The following CDK5RAP2 variants were observed in gnomAD, a reference collection of about 807,000 sequenced individuals.
The protein encoded by CDK5RAP2 is CDK5 regulatory subunit associated protein 2, also known as CDK5 regulatory subunit-associated protein 2.
Under a neutral mutation model 232.9 loss-of-function variants are expected in CDK5RAP2, and 147 were observed. The observed-to-expected ratio is 0.63, with a 90% CI of 0.55 to 0.72. The LOEUF (loss-of-function observed/expected upper bound fraction) is 0.72, where lower values mean the gene tolerates loss of function less well. CDK5RAP2 is among the 30% of genes least tolerant of loss of function. The pLI, the probability that CDK5RAP2 is intolerant of heterozygous loss-of-function variation, is 0.00. For missense variants in CDK5RAP2, 2,195 were observed against 2,231.5 expected (o/e 0.98, Z 0.33); for synonymous variants, 833 against 833.7 (o/e 1.00, Z 0.01).
At chr9:120,427,365 G>A (rs2034979270) in intron 25 of CDK5RAP2, among the ~76,000 whole-genome samples, 1 of 152,224 alleles carries the variant, frequency 6.6e-6, no homozygotes, top group Non-Finnish European at 1.5e-5. Context: ...CCACGGATTG[G>A]ACAAGCTTAA....
rs372559503 is a variant in CDK5RAP2 at position 120,487,487 on chromosome 9, A to T, written c.1483-50T>A. 44 of 1,409,968 alleles carry T rather than the reference A, an allele frequency of 3.1e-5. No homozygotes were observed. In the South Asian group the frequency reaches 5.3e-4, roughly 17 times the overall value. The allele number at this position is 1,409,968 out of a possible 1,614,324, so 87.3% of individuals were successfully genotyped here. ...GGAAATTGTCATCAAGAAAAAAAAT[A>T]TTAAGAAACTGTCCCAAACTCCTTA... On this transcript the variant is annotated intron_variant, in intron 13 of 37. Coordinates refer to ENST00000349780, the MANE Select transcript of CDK5RAP2 (RefSeq NM_018249.6).
chr9:120,552,681 C>T, intron 3 of CDK5RAP2, among the ~76,000 whole-genome samples: 1 of 116,298 alleles, frequency 8.6e-6, no homozygotes, highest in African/African-American at 3.5e-5. Flanking sequence ...CATCACACAC[C>T]AGGGCCTGTT....
intron 10 of CDK5RAP2, among the ~76,000 whole-genome samples, chr9:120,527,143 G>GA: frequency 6.6e-6 from 1 of 152,260 alleles, no homozygotes; most frequent in East Asian, 1.9e-4. Flanking sequence ...GACACAATAG[G>GA]TTGCCATAGT....
At chr9:120,458,666 G>A (rs776870016) in intron 19 of CDK5RAP2, 44 bp from the exon 20 acceptor site, 48 of 1,575,324 alleles carry the variant, frequency 3.0e-5, no homozygotes, top group Non-Finnish European at 4.1e-5. Flanking sequence ...TAAGGAGGAA[G>A]GGAATGGGGT....
At chr9:120,419,092 A>G (rs1300485985) in intron 27 of CDK5RAP2, among the ~76,000 whole-genome samples, 2 of 152,128 alleles carry the variant, frequency 1.3e-5, no homozygotes, top group African/African-American at 4.8e-5. Flanking sequence ...TGCCCTCATA[A>G]AACAGACCCC....
At chr9:120,393,159 TC>T (rs3837284) in intron 36 of CDK5RAP2, among the ~76,000 whole-genome samples, 99,294 of 151,966 alleles carry the variant, frequency 0.65, 32,967 homozygotes, top group East Asian at 0.79. Context: ...TAGTCATTCT[TC>T]AAGACCCAGT....
intron 36 of CDK5RAP2, chr9:120,390,300 G>C (rs2031823310): frequency 6.4e-6 from 1 of 157,062 alleles, no homozygotes; most frequent in African/African-American, 2.4e-5. Context: ...GCAGCTCTTA[G>C]AGCCAGCTCC....
chr9:120,555,448 C>T (rs1157766779), intron 3 of CDK5RAP2, among the ~76,000 whole-genome samples: 2 of 152,088 alleles, frequency 1.3e-5, no homozygotes, highest in Admixed American at 6.5e-5. Flanking sequence ...CGGCAGATCA[C>T]TTCTCTGTGG....
chr9:120,466,460 CA>C, intron 18 of CDK5RAP2, among the ~76,000 whole-genome samples: 1 of 152,222 alleles, frequency 6.6e-6, no homozygotes, highest in Non-Finnish European at 1.5e-5. Context: ...AAAGACTCAA[CA>C]AATCTCAGTT....
chr9:120,553,824 T>A (rs1341182973), intron 3 of CDK5RAP2, among the ~76,000 whole-genome samples: 1 of 152,228 alleles, frequency 6.6e-6, no homozygotes, highest in African/African-American at 2.4e-5. Flanking sequence ...TGAAGTGGTA[T>A]AATCGCAGCT....
chr9:120,557,993 T>C (rs1289805704), intron 3 of CDK5RAP2, among the ~76,000 whole-genome samples: 1 of 148,664 alleles, frequency 6.7e-6, no homozygotes, highest in Non-Finnish European at 1.5e-5. Flanking sequence ...CTCGAACTCC[T>C]GACCTCAGGT....
At chr9:120,545,071 G>T (rs1419025415) in intron 5 of CDK5RAP2, among the ~76,000 whole-genome samples, 4 of 151,882 alleles carry the variant, frequency 2.6e-5, no homozygotes, top group African/African-American at 9.7e-5. Flanking sequence ...GTTTTTTAAG[G>T]AGGAGAACCT....
chr9:120,566,477 T>C (rs1034067943), intron 3 of CDK5RAP2, among the ~76,000 whole-genome samples: 2 of 152,152 alleles, frequency 1.3e-5, no homozygotes, highest in East Asian at 3.8e-4. Flanking sequence ...ATTTAGGTCA[T>C]CAAGAACACA....
Position 120,430,081 on chromosome 9 carries a change from C to T in CDK5RAP2, c.3955+7214G>A, listed in dbSNP as rs563231077. Reference sequence around the variant, plus strand: ...ATATGTAGAAAGCTGAAACTGGATCCCTTCCTTACACCTTATACAAAAATT... The same window carrying T: ...ATATGTAGAAAGCTGAAACTGGATCTCTTCCTTACACCTTATACAAAAATT... On this transcript the variant is annotated intron_variant, in intron 25 of 37. Coordinates refer to ENST00000349780, the MANE Select transcript of CDK5RAP2 (RefSeq NM_018249.6). Among the ~76,000 whole-genome samples, 13 of 152,242 alleles carry T rather than the reference C, an allele frequency of 8.5e-5. No homozygotes were observed. In the South Asian group the frequency reaches 2.7e-3, roughly 32 times the overall value.
intron 2 of CDK5RAP2, chr9:120,571,615 C>T: frequency 2.8e-6 from 1 of 355,988 alleles, no homozygotes; most frequent in South Asian, 2.2e-5. Context: ...AAGGCCTTGG[C>T]ACGCTACAGT....
intron 14 of CDK5RAP2, among the ~76,000 whole-genome samples, chr9:120,485,816 C>G (rs1318889948): frequency 6.6e-6 from 1 of 152,158 alleles, no homozygotes; most frequent in Non-Finnish European, 1.5e-5. Flanking sequence ...AGTTATAAGA[C>G]TTGCCCCAGG....
chr9:120,405,569 C>T (rs564966100), intron 32 of CDK5RAP2, among the ~76,000 whole-genome samples: 59 of 152,290 alleles, frequency 3.9e-4, no homozygotes, highest in African/African-American at 1.3e-3. Flanking sequence ...GGTGCAGACC[C>T]GTGTTGAAAA....
intron 3 of CDK5RAP2, among the ~76,000 whole-genome samples, chr9:120,553,389 T>C (rs1196993370): frequency 6.6e-6 from 1 of 152,240 alleles, no homozygotes; most frequent in African/African-American, 2.4e-5. Flanking sequence ...TCTATCACCA[T>C]GTTTAAATAG....
chr9:120,454,086 T>A (rs1358143576), intron 20 of CDK5RAP2, among the ~76,000 whole-genome samples: 3 of 152,236 alleles, frequency 2.0e-5, no homozygotes, highest in Non-Finnish European at 4.4e-5. Flanking sequence ...CCATGTCATT[T>A]CATGGATAAG....
Sources: allele counts gnomAD v4.1 joint callset (sites outside exome capture counted in the v4.1 genomes callset), GRCh38; gene constraint gnomAD v4.1.1; transcripts MANE v1.5; gene names NCBI Gene and HGNC (gene_info 2026-07-23, HGNC 2026-07-21).